SPIRE1: variants seen among roughly 807,000 people sequenced by gnomAD.
SPIRE1 encodes spire type actin nucleation factor 1.
SPIRE1 carries 40 observed loss-of-function variants against 94.1 expected under a neutral mutation model. The observed-to-expected ratio is 0.43, with a 90% CI of 0.33 to 0.55. SPIRE1 has a LOEUF of 0.55. Among genes scored for constraint, SPIRE1 ranks in the 20% least tolerant of loss-of-function variants. SPIRE1 has a pLI of 0.06. For synonymous variants in SPIRE1, 376 were observed against 371.7 expected, an observed-to-expected ratio of 1.01 and a Z score of -0.13; for missense variants, 838 against 975.2, an observed-to-expected ratio of 0.86 and a Z score of 1.87.
chr18:12,624,068 C>T (rs1226561841), intron 2 of SPIRE1, among the ~76,000 whole-genome samples: 1 of 151,096 alleles, frequency 6.6e-6, no homozygotes, highest in Admixed American at 6.6e-5. Context: ...GGATTACAGG[C>T]ACGTGTCACC....
upstream of SPIRE1, chr18:12,658,824 C>T: frequency 3.1e-6 from 1 of 320,850 alleles, no homozygotes; most frequent in Non-Finnish European, 6.3e-6. Flanking sequence ...ACTGACTTCT[C>T]CCAAAAGCTA....
intron 4 of SPIRE1, among the ~76,000 whole-genome samples, chr18:12,521,379 T>G (rs1422550343): frequency 6.6e-6 from 1 of 150,594 alleles, no homozygotes; most frequent in Admixed American, 6.7e-5. Context: ...GTCGCCTGGG[T>G]GGGGTGCAGT....
rs2031270755 is a variant in SPIRE1, at chr18:12,452,141, C to T, written c.2012+114G>A. 5 of 1,312,914 alleles carry T rather than the reference C, an allele frequency of 3.8e-6. No individual in the cohort carries two copies. In the African/African-American group the frequency reaches 4.4e-5, roughly 12 times the overall value. The allele number at this position is 1,312,914 out of a possible 1,614,324, so 81.3% of individuals were successfully genotyped here. Reference sequence around the variant, plus strand: ...GTGTGTAAAACTGTATTAAAACCAACCAACAAACCAATAAAAACCCCTCGA... The same window carrying T: ...GTGTGTAAAACTGTATTAAAACCAATCAACAAACCAATAAAAACCCCTCGA... On this transcript the variant is annotated intron_variant, in intron 16 of 16. Transcript: ENST00000409402.
intron 2 of SPIRE1, among the ~76,000 whole-genome samples, chr18:12,555,786 T>G (rs1192638257): frequency 6.6e-6 from 1 of 152,220 alleles, no homozygotes; most frequent in African/African-American, 2.4e-5. Flanking sequence ...CTTTCATCAC[T>G]GTTATTCAAC....
At chr18:12,459,649 A>C (rs1252077888) in intron 12 of SPIRE1, 2 of 617,880 alleles carry the variant, frequency 3.2e-6, no homozygotes, top group Admixed American at 6.3e-5. Flanking sequence ...GATTGGAAGC[A>C]AAGTGCTATC....
At chr18:12,489,439 C>T (rs2033154784) in intron 8 of SPIRE1, among the ~76,000 whole-genome samples, 1 of 152,076 alleles carries the variant, frequency 6.6e-6, no homozygotes, top group African/African-American at 2.4e-5. Context: ...TGAAATAAGG[C>T]TGACTACTGT....
At chr18:12,658,426 G>A, upstream of SPIRE1, 1 of 401,736 alleles carries the variant, frequency 2.5e-6, no homozygotes, top group East Asian at 7.4e-5. Context: ...GACACGCGGG[G>A]CCGGGCGCGC....
At chr18:12,658,196 C>T (rs1038845316), upstream of SPIRE1, 5 of 643,456 alleles carry the variant, frequency 7.8e-6, no homozygotes, top group South Asian at 4.7e-5. Flanking sequence ...GGGGGATGCA[C>T]GCTCTGGAGG....
chr18:12,468,710 G>T (rs907660426), intron 10 of SPIRE1, among the ~76,000 whole-genome samples: 1 of 152,106 alleles, frequency 6.6e-6, no homozygotes, highest in Non-Finnish European at 1.5e-5. Flanking sequence ...AGAAAATGTG[G>T]TTGGGTGGAA....
intron 1 of SPIRE1, among the ~76,000 whole-genome samples, chr18:12,650,708 CA>C (rs1290034590): frequency 6.4e-5 from 4 of 62,302 alleles, no homozygotes; most frequent in Non-Finnish European, 9.4e-5. Context: ...GACTCCATCT[CA>C]GGAAAAAAAA....
intron 2 of SPIRE1, among the ~76,000 whole-genome samples, chr18:12,555,647 C>A (rs1298441545): frequency 6.6e-6 from 1 of 152,174 alleles, no homozygotes; most frequent in East Asian, 1.9e-4. Flanking sequence ...CCTCAAAAAA[C>A]TGGGTATATA....
At chr18:12,624,436 G>T (rs1436577649) in intron 2 of SPIRE1, among the ~76,000 whole-genome samples, 2 of 151,096 alleles carry the variant, frequency 1.3e-5, no homozygotes, top group Admixed American at 1.3e-4. Context: ...CCAGCTACTC[G>T]GGAGGCTGAG....
At chr18:12,592,684 C>T (rs1225365373) in intron 2 of SPIRE1, among the ~76,000 whole-genome samples, 1 of 152,182 alleles carries the variant, frequency 6.6e-6, no homozygotes, top group African/African-American at 2.4e-5. Context: ...GATTATCATT[C>T]AATATCGCCA....
intron 5 of SPIRE1, among the ~76,000 whole-genome samples, chr18:12,512,045 G>C (rs1239211423): frequency 6.6e-6 from 1 of 152,074 alleles, no homozygotes; most frequent in East Asian, 1.9e-4. Context: ...GAGCTACCAT[G>C]CCTGGCCAAT....
intron 10 of SPIRE1, among the ~76,000 whole-genome samples, chr18:12,466,875 C>T (rs2032126984): frequency 6.6e-6 from 1 of 152,132 alleles, no homozygotes; most frequent in Non-Finnish European, 1.5e-5. Flanking sequence ...AAAAACTGGC[C>T]TCACCTAAAA....
intron 2 of SPIRE1, among the ~76,000 whole-genome samples, chr18:12,581,830 C>T (rs2036265662): frequency 6.6e-6 from 1 of 151,768 alleles, no homozygotes; most frequent in Non-Finnish European, 1.5e-5. Flanking sequence ...CACCACTGCA[C>T]TCCAGCCTGG....
intron 2 of SPIRE1, among the ~76,000 whole-genome samples, chr18:12,624,095 G>A (rs2037552696): frequency 7.0e-6 from 1 of 142,834 alleles, no homozygotes; most frequent in African/African-American, 2.6e-5. Flanking sequence ...AACTAATTTT[G>A]TATTTTTAGT....
intron 1 of SPIRE1, among the ~76,000 whole-genome samples, chr18:12,640,270 T>C (rs2038050197): frequency 6.6e-6 from 1 of 152,222 alleles, no homozygotes; most frequent in Admixed American, 6.5e-5. Flanking sequence ...TTAAGATAAA[T>C]GGTTCTCAGA....
chr18:12,648,017 G>A lies in SPIRE1; in HGVS notation c.337+9513C>T, dbSNP rs144945726. 3.9e-3 allele frequency among the ~76,000 whole-genome samples: 590 copies of A among 152,066 alleles called. 2 individuals are homozygous for A. Among genetic ancestry groups the A allele is most frequent in the African/African-American group, 8.6e-3 (357 of 41,446 alleles). On this transcript the variant is annotated intron_variant, in intron 1 of 16. Coordinates refer to ENST00000409402, the MANE Select transcript of SPIRE1 (RefSeq NM_001128626.2). ...CTAAGGAGCAATCAATGGCCACAGC[G>A]GGAACAATCTGAGCAACAAAACAAC... is the stretch of plus-strand genomic sequence containing the variant.
Sources: allele counts gnomAD v4.1 joint callset (sites outside exome capture counted in the v4.1 genomes callset), GRCh38; gene constraint gnomAD v4.1.1; transcripts MANE v1.5; gene names NCBI Gene and HGNC (gene_info 2026-07-23, HGNC 2026-07-21).